The following DLG2 variants were observed in gnomAD, a reference collection of about 807,000 sequenced individuals.
The protein encoded by DLG2 is disks large homolog 2.
DLG2 carries 45 observed loss-of-function variants against 132.5 expected under a neutral mutation model. The observed-to-expected ratio is 0.34, with a 90% CI of 0.27 to 0.44. The LOEUF is 0.44. Ranked by LOEUF, DLG2 falls within the 20% of genes least tolerant of loss-of-function variation. DLG2 has a pLI of 1.00. For synonymous variants in DLG2, 424 were observed against 419.6 expected, an observed-to-expected ratio of 1.01 and a Z score of -0.13; for missense variants, 1,045 against 1,196.9, an observed-to-expected ratio of 0.87 and a Z score of 1.87.
intron 19 of DLG2, among the ~76,000 whole-genome samples, chr11:83,622,815 T>A (rs1425511671): frequency 6.6e-6 from 1 of 152,200 alleles, no homozygotes; most frequent in East Asian, 1.9e-4. Flanking sequence ...GAGAATCACT[T>A]TATGGCTGAA....
chr11:83,738,065 A>G (rs1288826009), intron 18 of DLG2, among the ~76,000 whole-genome samples: 1 of 152,186 alleles, frequency 6.6e-6, no homozygotes, highest in Non-Finnish European at 1.5e-5. Context: ...CTTATGAAAC[A>G]GGGTTAGTGA....
chr11:84,299,495 T>C (rs1325587923), intron 7 of DLG2, among the ~76,000 whole-genome samples: 4 of 152,186 alleles, frequency 2.6e-5, no homozygotes, highest in Non-Finnish European at 5.9e-5. Flanking sequence ...GCCCTAGGAA[T>C]AGAAATGTAA....
At chr11:85,291,222 A>G (rs950200904) in intron 3 of DLG2, among the ~76,000 whole-genome samples, 1 of 152,192 alleles carries the variant, frequency 6.6e-6, no homozygotes, top group African/African-American at 2.4e-5. Context: ...TTCTTAAATC[A>G]TGAGGCTTTT....
intron 16 of DLG2, among the ~76,000 whole-genome samples, chr11:83,872,553 G>C (rs2063685988): frequency 6.6e-6 from 1 of 152,134 alleles, no homozygotes; most frequent in African/African-American, 2.4e-5. Flanking sequence ...TTGAAGTTAG[G>C]GTAACACCTT....
chr11:84,017,436 C>T (rs1186628899), intron 11 of DLG2, among the ~76,000 whole-genome samples: 2 of 151,882 alleles, frequency 1.3e-5, no homozygotes, highest in Non-Finnish European at 2.9e-5. Context: ...ATTTATTTTT[C>T]CATTTTTAAA....
chr11:84,253,282 G>T (rs982312837), intron 7 of DLG2, among the ~76,000 whole-genome samples: 1 of 152,084 alleles, frequency 6.6e-6, no homozygotes, highest in Non-Finnish European at 1.5e-5. Context: ...TGATTTGGGG[G>T]CTCAGTGACT....
intron 7 of DLG2, among the ~76,000 whole-genome samples, chr11:84,394,235 A>T (rs945276059): frequency 6.6e-6 from 1 of 152,050 alleles, no homozygotes; most frequent in Non-Finnish European, 1.5e-5. Context: ...GTTCATTTAG[A>T]TTAATTCAGA....
chr11:85,012,796 G>A (rs2059258137), intron 6 of DLG2, among the ~76,000 whole-genome samples: 1 of 152,060 alleles, frequency 6.6e-6, no homozygotes, highest in Admixed American at 6.6e-5. Flanking sequence ...TTGCTAAAGT[G>A]ATTTTAAGAA....
chr11:84,529,429 A>G (rs971393515), intron 7 of DLG2, among the ~76,000 whole-genome samples: 4 of 152,200 alleles, frequency 2.6e-5, no homozygotes, highest in African/African-American at 9.7e-5. Flanking sequence ...ATGATCTGAT[A>G]AACAACTTCA....
At chr11:84,404,466 T>C (rs2098841596) in intron 7 of DLG2, among the ~76,000 whole-genome samples, 1 of 152,196 alleles carries the variant, frequency 6.6e-6, no homozygotes, top group African/African-American at 2.4e-5. Flanking sequence ...ATATGTTTGT[T>C]TTCTCAACTA....
At chr11:84,774,533 A>T (rs2070063517) in intron 6 of DLG2, among the ~76,000 whole-genome samples, 3 of 152,220 alleles carry the variant, frequency 2.0e-5, no homozygotes, top group Admixed American at 2.0e-4. Context: ...GCATTGCATC[A>T]CCTGACTTCA....
intron 22 of DLG2, chr11:83,480,309 T>C (rs542958496): frequency 7.8e-7 from 1 of 1,282,954 alleles, no homozygotes; most frequent in East Asian, 2.5e-5. Context: ...AAATCTGAAA[T>C]GACCACCACA....
At chr11:84,610,030 T>C (rs2099592622) in intron 6 of DLG2, among the ~76,000 whole-genome samples, 1 of 152,134 alleles carries the variant, frequency 6.6e-6, no homozygotes, top group Admixed American at 6.6e-5. Flanking sequence ...CTACTACTTG[T>C]ATGCTAAGAT....
At chr11:85,308,117 G>GCA (rs2080072158) in intron 3 of DLG2, among the ~76,000 whole-genome samples, 1 of 146,852 alleles carries the variant, frequency 6.8e-6, no homozygotes, top group East Asian at 2.0e-4. Flanking sequence ...TCATGCCACT[G>GCA]CACTCCAGCC....
At chr11:83,830,410 A>C (rs1565244417) in intron 17 of DLG2, among the ~76,000 whole-genome samples, 1 of 152,230 alleles carries the variant, frequency 6.6e-6, no homozygotes, top group Non-Finnish European at 1.5e-5. Context: ...GGTTAAAATA[A>C]ATAAAGCCTA....
intron 6 of DLG2, among the ~76,000 whole-genome samples, chr11:84,943,702 C>T (rs2154098682): frequency 6.6e-6 from 1 of 152,050 alleles, no homozygotes; most frequent in Admixed American, 6.5e-5. Context: ...TCTATGTCTC[C>T]AAAAGTTGTT....
At chr11:83,774,918 T>C (rs2094526791) in intron 18 of DLG2, among the ~76,000 whole-genome samples, 1 of 152,134 alleles carries the variant, frequency 6.6e-6, no homozygotes, top group Non-Finnish European at 1.5e-5. Flanking sequence ...TAGCAAGTGG[T>C]GAGCCCTCTG....
intron 8 of DLG2, among the ~76,000 whole-genome samples, chr11:84,231,710 C>A (rs1445907219): frequency 6.6e-6 from 1 of 151,964 alleles, no homozygotes; most frequent in East Asian, 1.9e-4. Context: ...CAATGCAAGA[C>A]CACTGAAAAC....
chr11:83,766,788 A>C (rs1442681983), intron 18 of DLG2, among the ~76,000 whole-genome samples: 1 of 152,100 alleles, frequency 6.6e-6, no homozygotes, highest in East Asian at 1.9e-4. Flanking sequence ...AAATACAATT[A>C]TTATCATTTT....
Sources: allele counts gnomAD v4.1 joint callset (sites outside exome capture counted in the v4.1 genomes callset), GRCh38; gene constraint gnomAD v4.1.1; transcripts MANE v1.5; gene names NCBI Gene and HGNC (gene_info 2026-07-23, HGNC 2026-07-21).